Variants in TCERG1 observed in about 807,000 individuals in gnomAD.
The protein encoded by TCERG1 is transcription elongation regulator 1.
TCERG1 carries 37 observed loss-of-function variants against 144.7 expected under a neutral mutation model. The observed-to-expected ratio is 0.26, with a 90% confidence interval of 0.20 to 0.34. TCERG1 has a LOEUF of 0.34. Among genes scored for constraint, TCERG1 ranks in the 10% least tolerant of loss-of-function variants. The pLI, the probability that TCERG1 is intolerant of heterozygous loss-of-function variation, is 1.00. For missense variants in TCERG1, 1,027 were observed against 1,380.7 expected (o/e 0.74, Z 4.06); for synonymous variants, 492 against 458.2 (o/e 1.07, Z -0.94).
chr5:146,461,863 C>T (rs185872471), intron 4 of TCERG1, among the ~76,000 whole-genome samples: 13 of 152,130 alleles, frequency 8.5e-5, no homozygotes, highest in Non-Finnish European at 7.4e-5. Flanking sequence ...TCCTACTTCT[C>T]AGGGAAGTTG....
chr5:146,453,252 T>A (rs1482422322), intron 1 of TCERG1, among the ~76,000 whole-genome samples: 2 of 152,184 alleles, frequency 1.3e-5, no homozygotes, highest in African/African-American at 4.8e-5. Flanking sequence ...TAGAGACTAC[T>A]AATGATCTGC....
Position 146,470,691 on chromosome 5 carries a change from G to A in TCERG1, c.1455G>A (p.Leu485=). The A allele has an allele frequency of 6.2e-7, 1 of 1,613,738 alleles. No homozygotes were observed. Among genetic ancestry groups the A allele is most frequent in the Non-Finnish European group, 8.5e-7 (1 of 1,179,910 alleles). Residue 485 remains leucine (L), a synonymous_variant, in exon 8 of 23, where the codon CTG becomes CTA. Transcript: ENST00000679501. The part of the protein sequence containing the change: ...EPIKEPSEEP[L]PMETEEEDPK... ...TTAAAGAACCCTCTGAAGAGCCTCT[G>A]CCAATGGAGACGGAGGAGGAGGATC...
intron 9 of TCERG1, among the ~76,000 whole-genome samples, chr5:146,473,070 T>C (rs1367603197): frequency 6.6e-6 from 1 of 152,130 alleles, no homozygotes; most frequent in Non-Finnish European, 1.5e-5. Context: ...AAGGAAGGCA[T>C]GTCAAAAGCC....
chr5:146,483,399 T>TA, intron 14 of TCERG1, 141 bp from the exon 15 acceptor site: 1 of 645,046 alleles, frequency 1.6e-6, no homozygotes. Flanking sequence ...TCCCACTGCT[T>TA]GTCATTTATT....
rs538293720 is a variant in TCERG1 at position 146,469,860 on chromosome 5, G to C, written c.1399+116G>C. 5.6e-6 allele frequency: 4 copies of C among 714,734 alleles called. No homozygotes were observed. In the South Asian group the frequency reaches 1.2e-4, roughly 22 times the overall value. 44.3% of individuals were successfully genotyped at this position (714,734 alleles called of 1,614,324 possible). ...ATTTGAGGGATTTTCTAATTACACA[G>C]TCATTGGATTGTTTATTTTTACTGA... On this transcript the variant is annotated intron_variant, in intron 7 of 22. Coordinates refer to ENST00000679501, the MANE Select transcript of TCERG1 (RefSeq NM_001382548.1).
rs1415414579 is a variant in TCERG1 at position 146,453,790 on chromosome 5, TTG to T, written c.60-1262_60-1261del. Among the ~76,000 whole-genome samples, 4 of 150,010 alleles carry T rather than the reference TTG, an allele frequency of 2.7e-5. No individual in the cohort carries two copies. In the South Asian group the frequency reaches 8.4e-4, roughly 32 times the overall value. On this transcript the variant is annotated intron_variant, in intron 1 of 22. Transcript: ENST00000679501. ...CTGTCTCTAAAAAAAAAAAAAAAAA[TTG>T]TGTTGTTATGACTCTTTAACCTTTT... is the stretch of plus-strand genomic sequence containing the variant.
chr5:146,503,571 T>C (rs186051311), intron 18 of TCERG1, 32 bp downstream of exon 18: 207 of 1,606,902 alleles, frequency 1.3e-4, no homozygotes, highest in Admixed American at 1.9e-4. Context: ...ATTGCTTTCA[T>C]TGAATAATAC....
chr5:146,465,579 G>C (rs913959014), intron 5 of TCERG1, among the ~76,000 whole-genome samples: 2 of 152,142 alleles, frequency 1.3e-5, no homozygotes, highest in Non-Finnish European at 2.9e-5. Flanking sequence ...GACAGGTGGT[G>C]GTGACCATTT....
chr5:146,461,554 A>C (rs1232707495), intron 4 of TCERG1, among the ~76,000 whole-genome samples: 1 of 152,112 alleles, frequency 6.6e-6, no homozygotes, highest in Non-Finnish European at 1.5e-5. Context: ...CATGGCTGCT[A>C]ATCAAATTCA....
At chr5:146,503,786 A>G (rs1047735586) in intron 18 of TCERG1, 38 bp from the exon 19 acceptor site, 27 of 1,543,228 alleles carry the variant, frequency 1.7e-5, no homozygotes, top group Non-Finnish European at 2.3e-5. Context: ...ATTTTGATGG[A>G]GTTGGTAAGA....
chr5:146,453,676 G>T (rs541855262), intron 1 of TCERG1, among the ~76,000 whole-genome samples: 1 of 152,034 alleles, frequency 6.6e-6, no homozygotes. Flanking sequence ...GGTGGCTCAC[G>T]CATGTAATCC....
At chr5:146,490,395 GCTT>G (rs1207749171) in intron 15 of TCERG1, among the ~76,000 whole-genome samples, 1 of 152,176 alleles carries the variant, frequency 6.6e-6, no homozygotes, top group Non-Finnish European at 1.5e-5. Flanking sequence ...CCTTTTTGTA[GCTT>G]CTTGAGAGAA....
intron 14 of TCERG1, 104 bp from the exon 15 acceptor site, chr5:146,483,434 TTA>T: frequency 1.0e-6 from 1 of 969,526 alleles, no homozygotes; most frequent in South Asian, 1.7e-5. Flanking sequence ...CAGTATGGTT[TTA>T]TGTCTCCTTT....
At position 146,474,660 on chromosome 5, in the gene TCERG1, A is replaced by AC. The variant is rs1201717058; in HGVS notation, c.1601+3088dup. Among the ~76,000 whole-genome samples, 6 of 152,294 alleles carry AC rather than the reference A, an allele frequency of 3.9e-5. 1 individual carries two copies. The East Asian group carries it at 1.2e-3, about 29-fold the overall frequency. On this transcript the variant is annotated intron_variant, in intron 9 of 22. Coordinates refer to ENST00000679501, the MANE Select transcript of TCERG1 (RefSeq NM_001382548.1). The stretch of plus-strand genomic sequence containing the variant: ...CTTATTTTAAGAAATTGCCACAGCT[A>AC]CCCCAGTCATCAGCAACCACCAGCC...
intron 15 of TCERG1, among the ~76,000 whole-genome samples, chr5:146,484,315 C>T (rs916105283): frequency 6.6e-6 from 1 of 152,128 alleles, no homozygotes; most frequent in Non-Finnish European, 1.5e-5. Flanking sequence ...GTGATTGCCT[C>T]TTCTAAAGCA....
At chr5:146,487,023 G>A (rs1765901233) in intron 15 of TCERG1, among the ~76,000 whole-genome samples, 1 of 152,068 alleles carries the variant, frequency 6.6e-6, no homozygotes, top group Admixed American at 6.6e-5. Flanking sequence ...CCAGGAAGTG[G>A]AGGTTGCAGT....
chr5:146,480,222 GATAATAA>G, intron 12 of TCERG1, 128 bp downstream of exon 12: 1 of 594,332 alleles, frequency 1.7e-6, no homozygotes, highest in Non-Finnish European at 2.9e-6. Context: ...TCTTAGGCCT[GATAATAA>G]ATAGCTTTGT....
chr5:146,469,021 A>G (rs1764042841), intron 6 of TCERG1, among the ~76,000 whole-genome samples: 1 of 152,100 alleles, frequency 6.6e-6, no homozygotes. Flanking sequence ...GCTTTCTCTT[A>G]GGAAAAGAGT....
intron 1 of TCERG1, among the ~76,000 whole-genome samples, chr5:146,449,204 C>T (rs759362181): frequency 6.6e-6 from 1 of 152,110 alleles, no homozygotes; most frequent in Non-Finnish European, 1.5e-5. Flanking sequence ...TCATAACCGC[C>T]TGGCAAATGA....
Sources: gnomAD v4.1 joint callset for allele counts (sites outside exome capture counted in the v4.1 genomes callset) on GRCh38, gnomAD v4.1.1 for gene constraint, MANE v1.5 for transcripts, NCBI Gene and HGNC (gene_info 2026-07-23, HGNC 2026-07-21) for gene names.